Variants in MTMR6 observed in about 807,000 individuals in gnomAD.
The protein encoded by MTMR6 is phosphatidylinositol-3,5-bisphosphate 3-phosphatase MTMR6.
In MTMR6, 47 loss-of-function variants were observed where a neutral mutation model predicts 80.1. That is an observed-to-expected ratio of 0.59 (90% CI 0.46 to 0.75). MTMR6 has a LOEUF of 0.75. Ranked by LOEUF, MTMR6 falls within the 30% of genes least tolerant of loss-of-function variation. The pLI, the probability that MTMR6 is intolerant of heterozygous loss-of-function variation, is 0.00. For missense variants in MTMR6, 629 were observed against 730.9 expected (o/e 0.86, Z 1.61); for synonymous variants, 254 against 253.0 (o/e 1.00, Z -0.04).
intron 9 of MTMR6, among the ~76,000 whole-genome samples, chr13:25,256,963 C>T (rs1046545560): frequency 6.6e-6 from 1 of 152,128 alleles, no homozygotes; most frequent in Non-Finnish European, 1.5e-5. Flanking sequence ...TTTTCAACCT[C>T]GACAGTACTG....
chr13:25,276,209 C>A (rs1957723962), intron 1 of MTMR6, among the ~76,000 whole-genome samples: 1 of 152,066 alleles, frequency 6.6e-6, no homozygotes, highest in Non-Finnish European at 1.5e-5. Context: ...CAGAGCCAAA[C>A]CATATCATTT....
rs899880638 is a variant in MTMR6 at position 25,252,565 on chromosome 13, G to A, written c.1347-581C>T. ...AAGTAAACATAATGTAGGTATCCAGGGGGAAAGTGGAAAATCTCCTGATTT... is the reference window on the plus strand; with the variant it reads ...AAGTAAACATAATGTAGGTATCCAGAGGGAAAGTGGAAAATCTCCTGATTT... On this transcript the variant is annotated intron_variant, in intron 11 of 13. Coordinates refer to ENST00000381801, the MANE Select transcript of MTMR6 (RefSeq NM_004685.5). Among the ~76,000 whole-genome samples, 3 of 152,150 alleles carry A rather than the reference G, an allele frequency of 2.0e-5. No individual in the cohort carries two copies. The South Asian group carries it at 6.2e-4, about 32-fold the overall frequency.
At chr13:25,270,791 A>G (rs537033298) in intron 2 of MTMR6, among the ~76,000 whole-genome samples, 1 of 152,316 alleles carries the variant, frequency 6.6e-6, no homozygotes, top group East Asian at 1.9e-4. Context: ...AGAAGAGTAC[A>G]ATCAAAGAGA....
chr13:25,265,881 T>G lies in MTMR6; in HGVS notation c.529A>C (p.Ser177Arg), dbSNP rs776255478. The G allele has an allele frequency of 6.2e-7, 1 of 1,614,066 alleles. No homozygotes were observed. Residue 177 changes from serine to arginine, a missense_variant, in exon 5 of 14, where the codon AGT becomes CGT. Ser to Arg is a moderately radical substitution (Grantham distance 110). Transcript: ENST00000381801. The stretch of plus-strand genomic sequence containing the variant: ...CTTCCCTTGCTCCGGAACTTGGAAC[T>G]ACCAACAATTATTGGTTTGCTTGCT... Reference protein sequence around the residue: ...RIASKPIIVGSSKFRSKGRFP... With the variant: ...RIASKPIIVGRSKFRSKGRFP...
At position 25,266,139 on chromosome 13, in the gene MTMR6, C is replaced by A. The variant is rs116067614; in HGVS notation, c.452G>T (p.Arg151Leu). The part of the protein sequence containing the change: ...NSHWQLSDAN[R>L]DYKICETYPR... ...ATGTTGTTAAGGTACCTTGTAGTCC[C>A]GGTTGGCATCAGACAACTGCCAGTG... Residue 151 changes from arginine to leucine, a missense_variant, in exon 4 of 14, where the codon CGG becomes CTG. Transcript: ENST00000381801. The A allele has an allele frequency of 6.2e-7, 1 of 1,613,616 alleles. No homozygotes were observed. Among genetic ancestry groups the A allele is most frequent in the East Asian group, 2.2e-5 (1 of 44,874 alleles).
rs768145821 is a variant in MTMR6, at chr13:25,266,201, G to A, written c.390C>T (p.Leu130=). 18 of 1,613,870 alleles carry A rather than the reference G, an allele frequency of 1.1e-5. No homozygotes were observed. Among genetic ancestry groups the A allele is most frequent in the African/African-American group, 2.7e-5 (2 of 74,886 alleles). The change falls in exon 4 of 14, where the codon CTC becomes CTT. Residue 130 remains leucine, a synonymous_variant. Coordinates refer to ENST00000381801, the MANE Select transcript of MTMR6 (RefSeq NM_004685.5). The part of the protein sequence containing the change: ...ERLQGWQLID[L]AEEYKRMGVP... Reference sequence around the variant, plus strand: ...CTCCCATCCTCTTATATTCCTCAGCGAGATCAATGAGCTGCCAGCCTTGTA... The same window carrying A: ...CTCCCATCCTCTTATATTCCTCAGCAAGATCAATGAGCTGCCAGCCTTGTA...
chr13:25,270,553 G>A (rs1957550284), intron 2 of MTMR6, among the ~76,000 whole-genome samples: 1 of 152,134 alleles, frequency 6.6e-6, no homozygotes, highest in African/African-American at 2.4e-5. Flanking sequence ...AGAAAATACT[G>A]AAGCAAGTGG....
intron 7 of MTMR6, 68 bp downstream of exon 7, chr13:25,258,492 A>G: frequency 7.2e-7 from 1 of 1,387,486 alleles, no homozygotes; most frequent in South Asian, 1.5e-5. Context: ...GGAAAATTCT[A>G]AATTACATGT....
At chr13:25,253,705 T>C (rs1957133417) in intron 11 of MTMR6, 59 bp downstream of exon 11, 44 of 1,398,736 alleles carry the variant, frequency 3.1e-5, no homozygotes, top group Non-Finnish European at 3.9e-5. Flanking sequence ...AAACATGATT[T>C]TTGTTAGACC....
chr13:25,283,590 T>G (rs1957902930), intron 1 of MTMR6, among the ~76,000 whole-genome samples: 1 of 152,224 alleles, frequency 6.6e-6, no homozygotes, highest in African/African-American at 2.4e-5. Context: ...AAAGAACATG[T>G]TAGGCATAAC....
Position 25,251,863 on chromosome 13 carries a change from A to G in MTMR6, c.1468T>C (p.Phe490Leu), listed in dbSNP as rs766414006. 3.1e-6 allele frequency: 5 copies of G among 1,607,184 alleles called. No individual in the cohort carries two copies. In the South Asian group the frequency reaches 5.6e-5, roughly 18 times the overall value. ...FTVLEPNTVS[F>L]NFKFWRNMYH... ...ATGATGTCAACTTACTTAAAATTGAAAGATACTGTATTTGGCTCCAAAACT... is the reference window on the plus strand; with the variant it reads ...ATGATGTCAACTTACTTAAAATTGAGAGATACTGTATTTGGCTCCAAAACT... Residue 490 changes from phenylalanine to leucine, a missense_variant, in exon 12 of 14, where the codon TTC (phenylalanine) becomes CTC (leucine). Physicochemically the swap from Phe to Leu is conservative, Grantham distance 22. Transcript: ENST00000381801. The surrounding 1 kb of genome is among the most constrained non-coding windows in gnomAD (Gnocchi z 4.1).
intron 2 of MTMR6, among the ~76,000 whole-genome samples, chr13:25,268,575 C>A (rs923214019): frequency 6.6e-6 from 1 of 152,152 alleles, no homozygotes; most frequent in Non-Finnish European, 1.5e-5. Flanking sequence ...ATAATAACAC[C>A]AAAAGCGTAG....
At chr13:25,274,939 G>GACAGACACACACACACACACACACACAC (rs141646990) in intron 1 of MTMR6, among the ~76,000 whole-genome samples, 17 of 42,878 alleles carry the variant, frequency 4.0e-4, no homozygotes, top group Non-Finnish European at 6.4e-4. Context: ...CTAGTAGACA[G>GACAGACACACACACACACACACACACAC]ACACACACAC....
intron 2 of MTMR6, among the ~76,000 whole-genome samples, chr13:25,272,488 T>C (rs2137593280): frequency 6.6e-6 from 1 of 152,242 alleles, no homozygotes; most frequent in African/African-American, 2.4e-5. Flanking sequence ...AGGTTTGTAA[T>C]ATGAATATAC....
Position 25,251,512 on chromosome 13 carries a change from A to C in MTMR6, c.1605+137T>G. 1 of 730,376 alleles carries C rather than the reference A, an allele frequency of 1.4e-6. No individual in the cohort carries two copies. Among genetic ancestry groups the C allele is most frequent in the African/African-American group, 1.8e-5 (1 of 55,524 alleles). The allele number at this position is 730,376 out of a possible 1,614,324, so 45.2% of individuals were successfully genotyped here. On this transcript the variant is annotated intron_variant, in intron 13 of 13. Coordinates refer to ENST00000381801, the MANE Select transcript of MTMR6 (RefSeq NM_004685.5). This position sits in a 1 kb window ranked among gnomAD's most constrained non-coding sequence, Gnocchi z 4.1. ...TGATTCGAACTAACGTATTCAATCA[A>C]AGTAGGGATGACCTGATTTTGAAGA... is the stretch of plus-strand genomic sequence containing the variant.
chr13:25,247,906 A>G lies in MTMR6; in HGVS notation c.*1326T>C, dbSNP rs79517451. ...ATGCCACCATGTTATTTAAATTTTC[A>G]ATTTTAAAGCCAGTTGGGTGATATT... On this transcript the variant is annotated 3_prime_UTR_variant, in exon 14 of 14. Coordinates refer to ENST00000381801, the MANE Select transcript of MTMR6 (RefSeq NM_004685.5). 6.6e-6 allele frequency: 1 copy of G among 152,130 alleles called. No homozygotes were observed. Among genetic ancestry groups the G allele is most frequent in the African/African-American group, 2.4e-5 (1 of 41,454 alleles). The allele number at this position is 152,130 out of a possible 1,614,324, so 9.4% of individuals were successfully genotyped here.
At chr13:25,287,142 G>A in intron 1 of MTMR6, 82 bp downstream of exon 1, 2 of 1,531,462 alleles carry the variant, frequency 1.3e-6, no homozygotes, top group Admixed American at 3.9e-5. Flanking sequence ...GCCCCAGTCA[G>A]GCCAGCAGAG....
At chr13:25,282,107 C>T (rs1380369763) in intron 1 of MTMR6, among the ~76,000 whole-genome samples, 2 of 152,122 alleles carry the variant, frequency 1.3e-5, no homozygotes, top group Non-Finnish European at 2.9e-5. Flanking sequence ...TTCTTAGCAA[C>T]CAGGCATGCC....
chr13:25,268,511 C>T (rs1957503234), intron 2 of MTMR6, among the ~76,000 whole-genome samples: 1 of 152,228 alleles, frequency 6.6e-6, no homozygotes, highest in South Asian at 2.1e-4. Flanking sequence ...ACTGTTAACA[C>T]TACCTCTTCA....
Sources: gnomAD v4.1 joint callset for allele counts (sites outside exome capture counted in the v4.1 genomes callset) on GRCh38, gnomAD v4.1.1 for gene constraint, Gnocchi (gnomAD v3.1) non-coding constraint, MANE v1.5 for transcripts, NCBI Gene and HGNC (gene_info 2026-07-23, HGNC 2026-07-21) for gene names.